Variants in NIPBL observed in about 807,000 individuals in gnomAD.
NIPBL encodes the protein NIPBL cohesin loading factor, also known as nipped-B-like protein.
Under a neutral mutation model 321.8 loss-of-function variants are expected in NIPBL, and 19 were observed. That is an observed-to-expected ratio of 0.06 (90% CI 0.04 to 0.09). The LOEUF is 0.09. Among genes scored for constraint, NIPBL ranks in the 10% least tolerant of loss-of-function variants. The pLI is 1.00. For synonymous variants in NIPBL, 1,106 were observed against 1,114.1 expected, an observed-to-expected ratio of 0.99 and a Z score of 0.14; for missense variants, 2,210 against 3,327.0, an observed-to-expected ratio of 0.66 and a Z score of 8.26.
chr5:36,937,653 T>G (rs1395196420), intron 1 of NIPBL, among the ~76,000 whole-genome samples: 1 of 152,160 alleles, frequency 6.6e-6, no homozygotes, highest in East Asian at 1.9e-4. Flanking sequence ...TCCAACGTCT[T>G]TCTGAGGACT....
intron 1 of NIPBL, among the ~76,000 whole-genome samples, chr5:36,891,848 T>G (rs552560693): frequency 6.6e-6 from 1 of 152,274 alleles, no homozygotes; most frequent in East Asian, 1.9e-4. Context: ...AGGAAACCCA[T>G]AACAAATATT....
chr5:36,926,576 G>C (rs1239349074), intron 1 of NIPBL, among the ~76,000 whole-genome samples: 2 of 152,150 alleles, frequency 1.3e-5, no homozygotes, highest in African/African-American at 2.4e-5. Context: ...ATGCTTATTT[G>C]AAAGCTGTAA....
chr5:37,047,080 A>G (rs1034549593), intron 38 of NIPBL, among the ~76,000 whole-genome samples: 2 of 152,204 alleles, frequency 1.3e-5, no homozygotes, highest in Admixed American at 1.3e-4. Flanking sequence ...TGTATTAGAT[A>G]TAAATAATCT....
At chr5:36,880,747 G>A (rs1745440441) in intron 1 of NIPBL, among the ~76,000 whole-genome samples, 2 of 151,956 alleles carry the variant, frequency 1.3e-5, no homozygotes. Context: ...TTTTTCAGCA[G>A]TTGTCATTTA....
chr5:37,009,467 T>G (rs1471836758), intron 20 of NIPBL, among the ~76,000 whole-genome samples: 1 of 152,212 alleles, frequency 6.6e-6, no homozygotes, highest in African/African-American at 2.4e-5. Flanking sequence ...TTTGAAGGCT[T>G]CTTTCTTCTC....
At chr5:36,894,664 G>T (rs775671652) in intron 1 of NIPBL, among the ~76,000 whole-genome samples, 1 of 151,974 alleles carries the variant, frequency 6.6e-6, no homozygotes, top group Non-Finnish European at 1.5e-5. Context: ...CTGCGGGGAG[G>T]TGGCATGTCA....
intron 9 of NIPBL, among the ~76,000 whole-genome samples, chr5:36,982,429 T>C (rs1333220911): frequency 6.6e-6 from 1 of 151,698 alleles, no homozygotes; most frequent in East Asian, 1.9e-4. Flanking sequence ...TTGACATACC[T>C]AAGAATCCTT....
chr5:37,016,252 T>C, intron 23 of NIPBL, 82 bp downstream of exon 23: 2 of 1,373,954 alleles, frequency 1.5e-6, no homozygotes, highest in Non-Finnish European at 2.1e-6. Context: ...GATGATGAAT[T>C]CTTTAAAAAT....
At position 36,985,111 on chromosome 5, in the gene NIPBL, T is replaced by C. The variant is rs1744599244; in HGVS notation, c.1931T>C (p.Val644Ala). Reference protein sequence around the residue: ...KSSENKLETKVETQTEELKQN... With the variant: ...KSSENKLETKAETQTEELKQN... ...AGTGAAAATAAGTTAGAAACTAAAG[T>C]TGAGACCCAAACAGAAGAACTTAAA... Residue 644 changes from valine (V) to alanine (A), a missense_variant, in exon 10 of 47, where the codon GTT becomes GCT. Transcript: ENST00000282516. 6.2e-7 allele frequency: 1 copy of C among 1,613,490 alleles called. No homozygotes were observed. The highest frequency in any genetic ancestry group is 8.5e-7 in the Non-Finnish European group (1 of 1,179,866).
chr5:36,970,406 T>A (rs1160510131), intron 6 of NIPBL, among the ~76,000 whole-genome samples: 1 of 119,530 alleles, frequency 8.4e-6, no homozygotes, highest in Non-Finnish European at 1.7e-5. Flanking sequence ...TAAAAGAATT[T>A]AAAACTATAT....
At chr5:36,899,132 G>T (rs1040824406) in intron 1 of NIPBL, among the ~76,000 whole-genome samples, 1 of 152,120 alleles carries the variant, frequency 6.6e-6, no homozygotes, top group African/African-American at 2.4e-5. Flanking sequence ...GGGAAATGGG[G>T]TCTTGAAATT....
At chr5:36,968,937 A>G (rs940708599) in intron 6 of NIPBL, among the ~76,000 whole-genome samples, 1 of 152,218 alleles carries the variant, frequency 6.6e-6, no homozygotes, top group African/African-American at 2.4e-5. Context: ...TAAGCTACAG[A>G]CAAGATACTA....
intron 10 of NIPBL, among the ~76,000 whole-genome samples, chr5:36,987,330 C>T (rs1364106871): frequency 1.3e-5 from 2 of 152,178 alleles, no homozygotes; most frequent in Non-Finnish European, 2.9e-5. Flanking sequence ...AAGAGGGTAA[C>T]CATTGCCTTT....
intron 21 of NIPBL, among the ~76,000 whole-genome samples, chr5:37,013,053 C>A (rs1476006859): frequency 2.0e-5 from 3 of 151,068 alleles, no homozygotes; most frequent in Admixed American, 6.6e-5. Context: ...GACCCCCCCC[C>A]ACCTCCCTCC....
At chr5:36,952,591 A>T (rs912459600) in intron 1 of NIPBL, among the ~76,000 whole-genome samples, 24 of 152,320 alleles carry the variant, frequency 1.6e-4, no homozygotes, top group African/African-American at 4.3e-4. Flanking sequence ...GGGGGCTTGG[A>T]ACAGAATAAC....
In NIPBL at chr5:36,912,867, C is replaced by T. The variant is rs548888273; in HGVS notation, c.-80+35689C>T. Among the ~76,000 whole-genome samples the T allele has an allele frequency of 1.6e-4, 24 of 152,034 alleles. No homozygotes were observed. The South Asian group carries it at 2.9e-3, about 18-fold the overall frequency. ...TGTTTCCATTAGCAAGTATTTGTTA[C>T]GGTTTACTTTCTATTATTGTTTTTA... On this transcript the variant is annotated intron_variant, in intron 1 of 46. Coordinates refer to ENST00000282516, the MANE Select transcript of NIPBL (RefSeq NM_133433.4).
At chr5:36,995,443 A>G (rs930447133) in intron 10 of NIPBL, 179 bp from the exon 11 acceptor site, 1 of 570,468 alleles carries the variant, frequency 1.8e-6, no homozygotes, top group Non-Finnish European at 3.1e-6. Context: ...ATATGTACAC[A>G]TACATATATA....
Position 36,920,125 on chromosome 5 carries a change from A to G in NIPBL, c.-79-33493A>G, listed in dbSNP as rs537134747. Among the ~76,000 whole-genome samples the G allele has an allele frequency of 9.2e-5, 14 of 152,276 alleles. No homozygotes were observed. The South Asian group carries it at 2.7e-3, about 29-fold the overall frequency. On this transcript the variant is annotated intron_variant, in intron 1 of 46. Coordinates refer to ENST00000282516, the MANE Select transcript of NIPBL (RefSeq NM_133433.4). ...TATCAGAGAAATATAACTACATGTT[A>G]TACTTCTGATTTCATGGGATTAAAA...
chr5:36,949,394 C>A (rs1740027465), intron 1 of NIPBL, among the ~76,000 whole-genome samples: 1 of 151,812 alleles, frequency 6.6e-6, no homozygotes, highest in African/African-American at 2.4e-5. Flanking sequence ...ATAGCCTGAT[C>A]TTGACTCCAG....
Sources: allele counts gnomAD v4.1 joint callset (sites outside exome capture counted in the v4.1 genomes callset), GRCh38; gene constraint gnomAD v4.1.1; transcripts MANE v1.5; gene names NCBI Gene and HGNC (gene_info 2026-07-23, HGNC 2026-07-21).